FANCD2: variants seen among roughly 807,000 people sequenced by gnomAD.
FANCD2 encodes the protein Fanconi anemia group D2 protein.
FANCD2 carries 131 observed loss-of-function variants against 192.3 expected under a neutral mutation model. The observed-to-expected ratio is 0.68, with a 90% confidence interval of 0.59 to 0.79. The LOEUF is 0.79. Among genes scored for constraint, FANCD2 ranks in the 30% least tolerant of loss-of-function variants. The probability of loss-of-function intolerance (pLI) is 0.00; values close to 1 mark genes in which losing one functional copy is unlikely to be tolerated. For missense variants in FANCD2, 1,508 were observed against 1,701.6 expected (o/e 0.89, Z 2.00); for synonymous variants, 524 against 612.5 (o/e 0.86, Z 2.13).
intron 29 of FANCD2, among the ~76,000 whole-genome samples, chr3:10,076,618 C>T (rs568080434): frequency 6.6e-6 from 1 of 152,278 alleles, no homozygotes; most frequent in African/African-American, 2.4e-5. Context: ...TCATAGCTCA[C>T]TGCAACCTTG....
Position 10,043,505 on chromosome 3 carries a change from C to A in FANCD2, c.1011C>A (p.Ser337Arg), listed in dbSNP as rs748171507. 8.1e-6 allele frequency: 13 copies of A among 1,613,746 alleles called. No homozygotes were observed. The South Asian group carries it at 1.3e-4, about 16-fold the overall frequency. ...GTAGTTCCTCAGGAAATCAAGAAAGCAGCGGTCAGAGCTGTATTATTCTCC... is the reference window on the plus strand; with the variant it reads ...GTAGTTCCTCAGGAAATCAAGAAAGAAGCGGTCAGAGCTGTATTATTCTCC... ...GRASSSGNQE[S>R]SGQSCIILLF... The change falls in exon 13 of 44, where the codon AGC becomes AGA. Residue 337 changes from serine to arginine, a missense_variant. Coordinates refer to ENST00000675286, the MANE Select transcript of FANCD2 (RefSeq NM_001018115.3).
chr3:10,054,446 CATAT>C (rs1319690526), intron 18 of FANCD2, among the ~76,000 whole-genome samples: 1,423 of 36,474 alleles, frequency 0.039, 97 homozygotes, highest in East Asian at 0.18. Context: ...CATGTATATA[CATAT>C]ATATATATAT....
intron 22 of FANCD2, 84 bp downstream of exon 22, chr3:10,064,513 C>G (rs1171212747): frequency 7.3e-7 from 1 of 1,374,252 alleles, no homozygotes; most frequent in African/African-American, 1.4e-5. Flanking sequence ...TTCAGAATAC[C>G]CTTCACCTCA....
chr3:10,058,186 G>A (rs1559385378), intron 18 of FANCD2: 10 of 307,516 alleles, frequency 3.3e-5, no homozygotes, highest in South Asian at 2.2e-4. Context: ...CGAAGAGACC[G>A]TGGAGATTAG....
rs201408009 is a variant in FANCD2 at position 10,060,312 on chromosome 3, A to G, written c.1675A>G (p.Ile559Val). Residue 559 changes from isoleucine (I) to valine (V), a missense_variant, in exon 19 of 44, where the codon ATA becomes GTA. Physicochemically the swap from Ile to Val is conservative, Grantham distance 29. Coordinates refer to ENST00000675286, the MANE Select transcript of FANCD2 (RefSeq NM_001018115.3). ...SHIQDDMHLVIRKQLSSTVFK... is the reference protein window; with the variant it reads ...SHIQDDMHLVVRKQLSSTVFK... ...ATTGCAGGATGACATGCACTTGGTGATAAGAAAGCAGCTCTCTAGCACCGT... is the reference window on the plus strand; with the variant it reads ...ATTGCAGGATGACATGCACTTGGTGGTAAGAAAGCAGCTCTCTAGCACCGT... 216 of 1,611,988 alleles carry G rather than the reference A, an allele frequency of 1.3e-4. 4 individuals are homozygous for G. The Middle Eastern group carries it at 2.5e-3, about 19-fold the overall frequency.
chr3:10,056,280 A>C (rs1006188443), intron 18 of FANCD2, among the ~76,000 whole-genome samples: 3 of 152,222 alleles, frequency 2.0e-5, no homozygotes, highest in African/African-American at 7.2e-5. Context: ...TGCTGTGACC[A>C]TTGGTTTACA....
At chr3:10,053,867 G>C (rs1311918946) in intron 18 of FANCD2, among the ~76,000 whole-genome samples, 2 of 152,240 alleles carry the variant, frequency 1.3e-5, no homozygotes, top group African/African-American at 4.8e-5. Context: ...GAATTGCCTT[G>C]TTTTCTAAGA....
At chr3:10,080,437 T>C (rs1189256691) in intron 30 of FANCD2, among the ~76,000 whole-genome samples, 1 of 152,256 alleles carries the variant, frequency 6.6e-6, no homozygotes, top group Non-Finnish European at 1.5e-5. Context: ...TTCAGCATGT[T>C]GCCCAGGCTT....
At chr3:10,030,138 C>T (rs1298024290) in intron 2 of FANCD2, among the ~76,000 whole-genome samples, 1 of 148,070 alleles carries the variant, frequency 6.8e-6, no homozygotes, top group Non-Finnish European at 1.5e-5. Context: ...CTCTTGTTGC[C>T]CAGTCTGGAG....
Position 10,052,373 on chromosome 3 carries a change from C to A in FANCD2, c.1546-14C>A. Reference sequence around the variant, plus strand: ...TAGCTGCTAGCCTCATTGTTGGCATCATTTTTTCCACAGGGCATTTTAGAT... The same window carrying A: ...TAGCTGCTAGCCTCATTGTTGGCATAATTTTTTCCACAGGGCATTTTAGAT... On this transcript the variant is annotated splice_polypyrimidine_tract_variant and intron_variant, in intron 17 of 43. Coordinates refer to ENST00000675286, the MANE Select transcript of FANCD2 (RefSeq NM_001018115.3). 1 of 1,518,228 alleles carries A rather than the reference C, an allele frequency of 6.6e-7. No individual in the cohort carries two copies. The highest frequency in any genetic ancestry group is 9.2e-7 in the Non-Finnish European group (1 of 1,092,722). The allele number at this position is 1,518,228 out of a possible 1,614,324, so 94.0% of individuals were successfully genotyped here. A position where few individuals can be genotyped will look rare whatever the true frequency, so the allele number is the denominator to read the frequency against.
intron 33 of FANCD2, among the ~76,000 whole-genome samples, 197 bp from the exon 34 acceptor site, chr3:10,086,937 C>T (rs1046264789): frequency 1.3e-5 from 2 of 152,144 alleles, no homozygotes; most frequent in South Asian, 4.1e-4. Flanking sequence ...GTCTTCTGCC[C>T]TGGCTTTTTC....
Position 10,051,397 on chromosome 3 carries a change from AAAAAAAAAAACAAAAAG to A in FANCD2, c.1546-989_1546-973del, listed in dbSNP as rs1485163364. On this transcript the variant is annotated intron_variant, in intron 17 of 43. Coordinates refer to ENST00000675286, the MANE Select transcript of FANCD2 (RefSeq NM_001018115.3). ...CTCCGTCTCAAAAAAAAAAAAAAAA[AAAAAAAAAAACAAAAAG>A]GAGTGAGGGATTTATCTCCCAGTGT... Among the ~76,000 whole-genome samples the A allele has an allele frequency of 5.2e-3, 54 of 10,452 alleles. 6 individuals are homozygous for A. Among genetic ancestry groups the A allele is most frequent in the African/African-American group, 0.031 (20 of 638 alleles). The allele number at this position is 10,452 out of a possible 152,430, so 6.9% of individuals were successfully genotyped here.
At position 10,035,182 on chromosome 3, in the gene FANCD2, A is replaced by G. The variant is rs2086698476; in HGVS notation, c.387A>G (p.Ala129=). The G allele has an allele frequency of 1.9e-6, 3 of 1,613,164 alleles. No individual in the cohort carries two copies. The East Asian group carries it at 6.7e-5, about 36-fold the overall frequency. ...RLQDEEASMG[A]SYSKSLIKLL... ...TCTTTTTTTTTTACAGTATGGGTGC[A>G]TCTTATTCTAAGAGTCTCATCAAAC... is the stretch of plus-strand genomic sequence containing the variant. Residue 129 remains alanine (A), a synonymous_variant, in exon 6 of 44, where the codon GCA becomes GCG. Coordinates refer to ENST00000675286, the MANE Select transcript of FANCD2 (RefSeq NM_001018115.3).
chr3:10,054,402 T>TAC (rs1213956376), intron 18 of FANCD2, among the ~76,000 whole-genome samples: 1 of 104,702 alleles, frequency 9.6e-6, no homozygotes, highest in African/African-American at 5.3e-5. Flanking sequence ...TATACGTATA[T>TAC]GTATATACGT....
At chr3:10,075,160 A>T (rs766049281) in intron 29 of FANCD2, among the ~76,000 whole-genome samples, 1 of 151,990 alleles carries the variant, frequency 6.6e-6, no homozygotes, top group Non-Finnish European at 1.5e-5. Flanking sequence ...AATAGCTAGC[A>T]ATACGGTAGC....
chr3:10,043,113 G>T lies in FANCD2; in HGVS notation c.952G>T (p.Ala318Ser), dbSNP rs745779297. ...QHCVLPSRLQ[A>S]SQVKLKSKGR... ...TTGTGTTTTGCCATCACGGTTACAG[G>T]CTTCCCAAGTAAAGTTGAAAAGTAA... Residue 318 changes from alanine to serine, a missense_variant, in exon 12 of 44, where the codon GCT (alanine) becomes TCT (serine). Ala to Ser is a moderately conservative substitution (Grantham distance 99). Around this residue, in one of 5 missense-constraint regions of FANCD2, gnomAD observed 435 missense variants for 421.9 expected, o/e 1.03. Coordinates refer to ENST00000675286, the MANE Select transcript of FANCD2 (RefSeq NM_001018115.3). 6.2e-7 allele frequency: 1 copy of T among 1,614,060 alleles called. No homozygotes were observed. Among genetic ancestry groups the T allele is most frequent in the Non-Finnish European group, 8.5e-7 (1 of 1,180,006 alleles).
At chr3:10,031,186 A>T (rs1281545471) in intron 2 of FANCD2, among the ~76,000 whole-genome samples, 1 of 152,048 alleles carries the variant, frequency 6.6e-6, no homozygotes, top group Non-Finnish European at 1.5e-5. Flanking sequence ...TCTTTGTCTC[A>T]TTCTGATTAA....
chr3:10,075,620 A>T (rs1356945729), intron 29 of FANCD2, among the ~76,000 whole-genome samples: 2 of 151,654 alleles, frequency 1.3e-5, no homozygotes, highest in Non-Finnish European at 2.9e-5. Context: ...TTGAGATGGG[A>T]TTTCATCAGA....
rs570254088 is a variant in FANCD2, at chr3:10,031,451, A to G, written c.65-1381A>G. 4.2e-4 allele frequency among the ~76,000 whole-genome samples: 63 copies of G among 151,176 alleles called. No individual in the cohort carries two copies. The East Asian group carries it at 4.5e-3, about 11-fold the overall frequency. ...CGGGAGGCGGAGCTTGCAGTGAGCCAAGATCGCGCCACTGCACTCCAGCCT... is the reference window on the plus strand; with the variant it reads ...CGGGAGGCGGAGCTTGCAGTGAGCCGAGATCGCGCCACTGCACTCCAGCCT... On this transcript the variant is annotated intron_variant, in intron 2 of 43. Transcript: ENST00000675286.
Sources: allele counts gnomAD v4.1 joint callset (sites outside exome capture counted in the v4.1 genomes callset), GRCh38; gene constraint gnomAD v4.1.1; regional missense constraint gnomAD v4.1.1; transcripts MANE v1.5; gene names NCBI Gene and HGNC (gene_info 2026-07-23, HGNC 2026-07-21).